Variants in ZDHHC11 observed in about 807,000 individuals in gnomAD.
ZDHHC11 encodes zDHHC palmitoyltransferase 11.
ZDHHC11 carries 44 observed loss-of-function variants against 51.3 expected under a neutral mutation model. That is an observed-to-expected ratio of 0.86 (90% CI 0.67 to 1.10). The LOEUF is 1.10. ZDHHC11 is among the 50% of genes least tolerant of loss of function. The pLI is 0.00. For missense variants in ZDHHC11, 400 were observed against 537.7 expected, an observed-to-expected ratio of 0.74 and a Z score of 2.53; for synonymous variants, 163 against 222.0, an observed-to-expected ratio of 0.73 and a Z score of 2.36.
In ZDHHC11 at chr5:840,633, T is replaced by C; in HGVS notation, c.646A>G (p.Thr216Ala). Residue 216 changes from threonine to alanine, a missense_variant, in exon 5 of 13, where the codon ACG becomes GCG. Physicochemically the swap from Thr to Ala is moderately conservative, Grantham distance 58 (BLOSUM62 0). This residue lies in a region of ZDHHC11 where 26 missense variants were observed against 47.1 expected (regional missense o/e 0.55). Coordinates refer to ENST00000283441, the MANE Select transcript of ZDHHC11 (RefSeq NM_024786.3). ...PRYEDVKNMN[T>A]WLLFLPLFPV... Reference sequence around the variant, plus strand: ...AACAGGGGGAGGAACAGCAGCCACGTGTTCATATTCTTGACATCTGGGGAG... The same window carrying C: ...AACAGGGGGAGGAACAGCAGCCACGCGTTCATATTCTTGACATCTGGGGAG... 3 of 1,613,816 alleles carry C rather than the reference T, an allele frequency of 1.9e-6. No homozygotes were observed. Among genetic ancestry groups the C allele is most frequent in the Non-Finnish European group, 1.7e-6 (2 of 1,179,872 alleles).
chr5:810,239 C>A (rs1261505788), intron 11 of ZDHHC11, among the ~76,000 whole-genome samples: 3 of 116,498 alleles, frequency 2.6e-5, no homozygotes, highest in Non-Finnish European at 1.8e-5. Flanking sequence ...GGGGATGATG[C>A]AAAGGAACAG....
rs369844142 is a variant in ZDHHC11 at position 831,281 on chromosome 5, G to A, written c.935+2492C>T. On this transcript the variant is annotated intron_variant, in intron 7 of 12. Transcript: ENST00000283441. ...ATCTAAAAGGAACTCAAACAAATCC[G>A]CAAGAAAAAACAAATCATCCAATTG... Among the ~76,000 whole-genome samples the A allele has an allele frequency of 5.4e-5, 8 of 149,276 alleles. 1 individual carries two copies. The highest frequency in any genetic ancestry group is 2.1e-4 in the South Asian group (1 of 4,740).
intron 11 of ZDHHC11, among the ~76,000 whole-genome samples, chr5:805,732 T>C (rs1739151308): frequency 6.6e-6 from 1 of 151,284 alleles, no homozygotes; most frequent in South Asian, 2.1e-4. Flanking sequence ...TATTGAACTT[T>C]TTAATTAAAA....
intron 7 of ZDHHC11, among the ~76,000 whole-genome samples, chr5:828,355 C>T (rs1404675704): frequency 1.3e-5 from 2 of 149,238 alleles, no homozygotes; most frequent in Admixed American, 1.3e-4. Context: ...GGCAGCTGGC[C>T]GGGTGGAGGT....
At chr5:834,545 T>C (rs1408058920) in intron 6 of ZDHHC11, among the ~76,000 whole-genome samples, 2 of 152,176 alleles carry the variant, frequency 1.3e-5, no homozygotes. Flanking sequence ...ACAATTGCAC[T>C]TTGAAAGCTC....
At position 843,965 on chromosome 5, in the gene ZDHHC11, C is replaced by G. The variant is rs1333640545; in HGVS notation, c.504-241G>C. Among the ~76,000 whole-genome samples the G allele has an allele frequency of 6.1e-3, 443 of 72,476 alleles. 4 individuals are homozygous for G. Among genetic ancestry groups the G allele is most frequent in the Middle Eastern group, 0.026 (4 of 154 alleles). The allele number at this position is 72,476 out of a possible 152,430, so 47.5% of individuals were successfully genotyped here. A position where few individuals can be genotyped will look rare whatever the true frequency, so the allele number is the denominator to read the frequency against. On this transcript the variant is annotated intron_variant, in intron 3 of 12. Transcript: ENST00000283441. ...GGGCATGCAGGGCAGGTGGGGGGTGCAGAGGCAGGGGCAGGGACACGCAGG... is the reference window on the plus strand; with the variant it reads ...GGGCATGCAGGGCAGGTGGGGGGTGGAGAGGCAGGGGCAGGGACACGCAGG...
intron 5 of ZDHHC11, among the ~76,000 whole-genome samples, chr5:838,147 G>C (rs999492704): frequency 6.6e-6 from 1 of 151,874 alleles, no homozygotes; most frequent in Non-Finnish European, 1.5e-5. Flanking sequence ...CACCATCCCT[G>C]CAGCCCTGCA....
intron 11 of ZDHHC11, among the ~76,000 whole-genome samples, chr5:813,330 A>G (rs1308792033): frequency 1.4e-5 from 2 of 140,842 alleles, no homozygotes; most frequent in Non-Finnish European, 1.5e-5. Context: ...CCTGTCTCAA[A>G]AAAATAAAAA....
At chr5:854,196 C>A (rs566010689), upstream of ZDHHC11, among the ~76,000 whole-genome samples, 9 of 144,006 alleles carry the variant, frequency 6.2e-5, no homozygotes, top group South Asian at 2.3e-4. Context: ...GGGGGACAGA[C>A]CCCATGGAGG....
chr5:803,866 G>T (rs2081938), intron 11 of ZDHHC11, among the ~76,000 whole-genome samples: 30,135 of 148,448 alleles, frequency 0.2, 4,514 homozygotes, highest in African/African-American at 0.41. Context: ...GAAATAAAAA[G>T]TTCATTAGAA....
Position 812,790 on chromosome 5 carries a change from A to G in ZDHHC11, c.1181+1971T>C, listed in dbSNP as rs1364793532. Among the ~76,000 whole-genome samples, 32 of 150,786 alleles carry G rather than the reference A, an allele frequency of 2.1e-4. 1 individual carries two copies. The highest frequency in any genetic ancestry group is 9.7e-4 in the East Asian group (5 of 5,164). On this transcript the variant is annotated intron_variant, in intron 11 of 12. Coordinates refer to ENST00000283441, the MANE Select transcript of ZDHHC11 (RefSeq NM_024786.3). ...AACTTGGTCATAAACTTAATATCCC[A>G]TAGTGAACAATGGTTGACTAAGCCA... is the stretch of plus-strand genomic sequence containing the variant.
intron 11 of ZDHHC11, among the ~76,000 whole-genome samples, chr5:806,930 C>T (rs868737803): frequency 1.3e-5 from 2 of 151,122 alleles, no homozygotes; most frequent in African/African-American, 4.9e-5. Flanking sequence ...CTTTAAAAAA[C>T]AGTGGCCTTA....
In ZDHHC11 at chr5:825,252, C is replaced by G; in HGVS notation, c.936-1G>C. 2 of 1,612,194 alleles carry G rather than the reference C, an allele frequency of 1.2e-6. No individual in the cohort carries two copies. The highest frequency in any genetic ancestry group is 1.7e-6 in the Non-Finnish European group (2 of 1,178,664). ...CAGCAGGGAGCTCTTGGCTTTGACT[C>G]TGGTGGGACAGAAAGGAGGAGAGAA... is the stretch of plus-strand genomic sequence containing the variant. On this transcript the variant is annotated splice_acceptor_variant, in intron 7 of 12. Coordinates refer to ENST00000283441, the MANE Select transcript of ZDHHC11 (RefSeq NM_024786.3). LOFTEE classifies it high-confidence loss of function.
At chr5:832,169 T>C (rs1346878734) in intron 7 of ZDHHC11, among the ~76,000 whole-genome samples, 5 of 116,614 alleles carry the variant, frequency 4.3e-5, no homozygotes, top group Non-Finnish European at 7.7e-5. Context: ...CAACCTGGAG[T>C]TGCAGACCAT....
intron 1 of ZDHHC11, among the ~76,000 whole-genome samples, chr5:856,366 AAC>A (rs1456266291): frequency 6.6e-6 from 1 of 151,306 alleles, no homozygotes; most frequent in Non-Finnish European, 1.5e-5. Flanking sequence ...TATATCATAC[AAC>A]ACAGACCACC....
intron 10 of ZDHHC11, among the ~76,000 whole-genome samples, chr5:818,981 GTCCATGTA>G (rs1210912144): frequency 1.3e-5 from 2 of 151,462 alleles, no homozygotes; most frequent in Admixed American, 6.6e-5. Flanking sequence ...CGGACACAGA[GTCCATGTA>G]TCCATGTAAC....
chr5:835,058 A>C (rs1212587181), intron 6 of ZDHHC11, among the ~76,000 whole-genome samples: 2 of 151,678 alleles, frequency 1.3e-5, no homozygotes, highest in East Asian at 3.8e-4. Flanking sequence ...TTTAATAGGC[A>C]GTGATTTTGG....
rs542370900 is a variant in ZDHHC11, at chr5:846,132, T to C, written c.503+1382A>G. Among the ~76,000 whole-genome samples the C allele has an allele frequency of 9.0e-4, 135 of 150,648 alleles. 4 individuals are homozygous for C. Among genetic ancestry groups the C allele is most frequent in the Non-Finnish European group, 1.7e-3 (115 of 67,668 alleles). On this transcript the variant is annotated intron_variant, in intron 3 of 12. Transcript: ENST00000283441. The stretch of plus-strand genomic sequence containing the variant: ...GAGGCCGGTGGGTCTCCCCGGCCCC[T>C]ACCATCTCACGCAGCCTCTGGACTC...
At chr5:854,403 G>A (rs114587355), upstream of ZDHHC11, among the ~76,000 whole-genome samples, 829 of 150,102 alleles carry the variant, frequency 5.5e-3, 6 homozygotes, top group African/African-American at 0.02. Flanking sequence ...ACGGAGGACA[G>A]TGAGCCGGGG....
Sources: gnomAD v4.1 joint callset for allele counts (sites outside exome capture counted in the v4.1 genomes callset) on GRCh38, gnomAD v4.1.1 for gene constraint, gnomAD v4.1.1 regional missense constraint, MANE v1.5 for transcripts, NCBI Gene and HGNC (gene_info 2026-07-23, HGNC 2026-07-21) for gene names.